Variants in PLAU observed in about 807,000 individuals in gnomAD.
PLAU encodes the protein urokinase-type plasminogen activator.
PLAU carries 32 observed loss-of-function variants against 48.9 expected under a neutral mutation model. The ratio of observed to expected loss-of-function variants is 0.65; its 90% CI spans 0.49 to 0.88. The LOEUF is 0.88. Ranked by LOEUF, PLAU falls within the 40% of genes least tolerant of loss-of-function variation. The pLI, the probability that PLAU is intolerant of heterozygous loss-of-function variation, is 0.00. For synonymous variants in PLAU, 199 were observed against 205.7 expected (o/e 0.97, Z 0.28); for missense variants, 455 against 545.2 (o/e 0.83, Z 1.65).
At chr10:73,913,798 AC>A in intron 7 of PLAU, 40 bp downstream of exon 7, 1 of 1,489,398 alleles carries the variant, frequency 6.7e-7, no homozygotes, top group Non-Finnish European at 9.2e-7. Flanking sequence ...CTTCTGCCCC[AC>A]CCCAAGCACA....
At chr10:73,914,947 T>C in intron 9 of PLAU, 31 bp downstream of exon 9, 1 of 1,609,890 alleles carries the variant, frequency 6.2e-7, no homozygotes, top group Non-Finnish European at 8.5e-7. Flanking sequence ...ACTTAGAAGG[T>C]CCTGAGGAGT....
chr10:73,908,940 C>T (rs1287469343), upstream of PLAU, among the ~76,000 whole-genome samples: 2 of 151,076 alleles, frequency 1.3e-5, no homozygotes, highest in Non-Finnish European at 2.9e-5. Context: ...GGTGGGAGGA[C>T]CCCTTGAACC....
At chr10:73,913,510 C>A in intron 6 of PLAU, 29 bp from the exon 7 acceptor site, 1 of 1,588,654 alleles carries the variant, frequency 6.3e-7, no homozygotes, top group African/African-American at 1.3e-5. Context: ...TACCTGCCTC[C>A]CTAAGACATC....
chr10:73,913,918 G>T, intron 7 of PLAU, 62 bp from the exon 8 acceptor site: 1 of 1,540,634 alleles, frequency 6.5e-7, no homozygotes, highest in South Asian at 1.1e-5. Flanking sequence ...CCTCTAGGGA[G>T]GGAAGGAAGA....
Position 73,916,688 on chromosome 10 carries a change from C to T in PLAU, c.*123C>T, listed in dbSNP as rs2096137782. ...ATAGGCTCTGCACAGATGGATTTGC[C>T]TGTGCCACCCACCAGGGCGAACGAC... On this transcript the variant is annotated 3_prime_UTR_variant, in exon 11 of 11. Transcript: ENST00000372764. 2 of 810,904 alleles carry T rather than the reference C, an allele frequency of 2.5e-6. No individual in the cohort carries two copies. The highest frequency in any genetic ancestry group is 2.8e-5 in the Admixed American group (1 of 35,682). The allele number at this position is 810,904 out of a possible 1,614,324, so 50.2% of individuals were successfully genotyped here.
chr10:73,913,973 C>T lies in PLAU; in HGVS notation c.681-7C>T, dbSNP rs2227566. Reference sequence around the variant, plus strand: ...CTAAGCTGTTTGATGGGTATCTTCTCCCACAGTGATTACCCAAAGAAGGAG... The same window carrying T: ...CTAAGCTGTTTGATGGGTATCTTCTTCCACAGTGATTACCCAAAGAAGGAG... On this transcript the variant is annotated splice_region_variant and splice_polypyrimidine_tract_variant and intron_variant, in intron 7 of 10. Coordinates refer to ENST00000372764, the MANE Select transcript of PLAU (RefSeq NM_002658.6). 0.52 allele frequency: 838,570 copies of T among 1,610,644 alleles called. 228,116 individuals carry two copies. The highest frequency in any genetic ancestry group is 0.63 in the Middle Eastern group (3,795 of 6,058).
intron 10 of PLAU, 134 bp from the exon 11 acceptor site, chr10:73,916,255 A>C (rs999895365): frequency 5.0e-6 from 4 of 797,748 alleles, no homozygotes; most frequent in Admixed American, 2.5e-5. Flanking sequence ...CCCCGAAAAA[A>C]AGAAAGAAAA....
At chr10:73,916,199 C>T (rs530827741) in intron 10 of PLAU, among the ~76,000 whole-genome samples, 190 bp from the exon 11 acceptor site, 1 of 152,164 alleles carries the variant, frequency 6.6e-6, no homozygotes, top group Non-Finnish European at 1.5e-5. Flanking sequence ...GCTGAGATCA[C>T]GTCATTGCAC....
At chr10:73,914,267 A>G in intron 8 of PLAU, 139 bp downstream of exon 8, 1 of 754,524 alleles carries the variant, frequency 1.3e-6, no homozygotes, top group Non-Finnish European at 2.1e-6. Context: ...TATACATGAC[A>G]AAGGGAGTGG....
At chr10:73,911,735 C>T in intron 2 of PLAU, 123 bp downstream of exon 2, 1 of 1,555,348 alleles carries the variant, frequency 6.4e-7, no homozygotes, top group Non-Finnish European at 8.7e-7. Flanking sequence ...CCAGACTCTC[C>T]CCAGGAAATG....
Position 73,915,234 on chromosome 10 carries a change from C to T in PLAU, c.971-17C>T. 1 of 1,604,688 alleles carries T rather than the reference C, an allele frequency of 6.2e-7. No individual in the cohort carries two copies. The highest frequency in any genetic ancestry group is 8.5e-7 in the Non-Finnish European group (1 of 1,175,902). ...GATAAATCTTGATGCAAACGCCTCCCTGTTTTCTCCACCTAGCCGACTATC... is the reference window on the plus strand; with the variant it reads ...GATAAATCTTGATGCAAACGCCTCCTTGTTTTCTCCACCTAGCCGACTATC... On this transcript the variant is annotated splice_polypyrimidine_tract_variant and intron_variant, in intron 9 of 10. Transcript: ENST00000372764.
chr10:73,913,002 G>C lies in PLAU; in HGVS notation c.272G>C (p.Cys91Ser). 2 of 1,614,168 alleles carry C rather than the reference G, an allele frequency of 1.2e-6. No individual in the cohort carries two copies. Among genetic ancestry groups the C allele is most frequent in the Non-Finnish European group, 1.7e-6 (2 of 1,179,998 alleles). The change falls in exon 5 of 11, where the codon TGC (cysteine) becomes TCC (serine). Residue 91 changes from cysteine (C) to serine (S), a missense_variant. By Grantham distance (112) the Cys-to-Ser change is moderately radical. Transcript: ENST00000372764. Reference sequence around the variant, plus strand: ...AGCACTGACACCATGGGCCGGCCCTGCCTGCCCTGGAACTCTGCCACTGTC... The same window carrying C: ...AGCACTGACACCATGGGCCGGCCCTCCCTGCCCTGGAACTCTGCCACTGTC... ...KASTDTMGRP[C>S]LPWNSATVLQ...
Position 73,912,284 on chromosome 10 carries a change from A to C in PLAU, c.155A>C (p.Asn52Thr), listed in dbSNP as rs1332555318. The C allele has an allele frequency of 1.2e-6, 2 of 1,612,438 alleles. No homozygotes were observed. Among genetic ancestry groups the C allele is most frequent in the Non-Finnish European group, 1.7e-6 (2 of 1,179,288 alleles). ...NKYFSNIHWC[N>T]CPKKFGGQHC... ...TACTTCTCCAACATTCACTGGTGCA[A>C]CTGCCCAAAGAAATTCGGAGGGCAG... The change falls in exon 4 of 11, where the codon AAC becomes ACC. Residue 52 changes from asparagine (N) to threonine (T), a missense_variant. Transcript: ENST00000372764.
At chr10:73,915,487 C>A in intron 10 of PLAU, 88 bp downstream of exon 10, 1 of 1,287,202 alleles carries the variant, frequency 7.8e-7, no homozygotes, top group South Asian at 1.5e-5. Flanking sequence ...GTGTCTCTCT[C>A]TAGCCAAAGC....
intron 2 of PLAU, 138 bp from the exon 3 acceptor site, chr10:73,911,903 T>C: frequency 6.3e-7 from 1 of 1,578,754 alleles, no homozygotes; most frequent in Non-Finnish European, 8.6e-7. Context: ...TGGTCTTCCA[T>C]TTGAGAACTA....
In PLAU at chr10:73,913,049, C is replaced by T. The variant is rs762441547; in HGVS notation, c.319C>T (p.His107Tyr). ...TGTCCTTCAGCAAACGTACCATGCC[C>T]ACAGATCTGATGCTCTTCAGCTGGG... ...ATVLQQTYHA[H>Y]RSDALQLGLG... Residue 107 changes from histidine (H) to tyrosine (Y), a missense_variant, in exon 5 of 11, where the codon CAC becomes TAC. Transcript: ENST00000372764. 8 of 1,614,008 alleles carry T rather than the reference C, an allele frequency of 5.0e-6. No homozygotes were observed. In the South Asian group the frequency reaches 7.7e-5, roughly 16 times the overall value.
rs546256380 is a variant in PLAU, at chr10:73,916,957, G to T, written c.*392G>T. The T allele has an allele frequency of 5.6e-6, 1 of 180,158 alleles. No homozygotes were observed. Among genetic ancestry groups the T allele is most frequent in the Non-Finnish European group, 1.2e-5 (1 of 84,180 alleles). 11.2% of individuals were successfully genotyped at this position (180,158 alleles called of 1,614,324 possible). A position where few individuals can be genotyped will look rare whatever the true frequency, so the allele number is the denominator to read the frequency against. On this transcript the variant is annotated 3_prime_UTR_variant, in exon 11 of 11. Coordinates refer to ENST00000372764, the MANE Select transcript of PLAU (RefSeq NM_002658.6). ...AAATGAATAATTTCCCAATTAGGAA[G>T]TGTAACAGCTGAGGTCTCTTGAGGG...
upstream of PLAU, among the ~76,000 whole-genome samples, chr10:73,908,887 C>T (rs1014687256): frequency 2.0e-5 from 3 of 147,266 alleles, no homozygotes; most frequent in Non-Finnish European, 3.0e-5. Flanking sequence ...TATGGCTGGG[C>T]GTGGTGGCTC....
In PLAU at chr10:73,915,431, T is replaced by C. The variant is rs374422519; in HGVS notation, c.1119+32T>C. 1.9e-4 allele frequency: 299 copies of C among 1,567,416 alleles called. No homozygotes were observed. In the African/African-American group the frequency reaches 3.5e-3, roughly 18 times the overall value. On this transcript the variant is annotated intron_variant, in intron 10 of 10. Coordinates refer to ENST00000372764, the MANE Select transcript of PLAU (RefSeq NM_002658.6). ...GTTCCAAGCATCTCTCTCCACCTCT[T>C]CCATATCTCCCCAGAGCTCCTGGGC...
Sources: allele counts gnomAD v4.1 joint callset (sites outside exome capture counted in the v4.1 genomes callset), GRCh38; gene constraint gnomAD v4.1.1; transcripts MANE v1.5; gene names NCBI Gene and HGNC (gene_info 2026-07-23, HGNC 2026-07-21).